ZFHX3: variants seen among roughly 807,000 people sequenced by gnomAD.
The protein encoded by ZFHX3 is zinc finger homeobox 3.
A neutral mutation model predicts 279.1 loss-of-function variants in ZFHX3; 42 were observed. The observed-to-expected ratio is 0.15, with a 90% CI of 0.12 to 0.19. The LOEUF (loss-of-function observed/expected upper bound fraction) is 0.19, where lower values mean the gene tolerates loss of function less well. ZFHX3 is among the 10% of genes least tolerant of loss of function. The probability of loss-of-function intolerance (pLI) is 1.00; values close to 1 mark genes in which losing one functional copy is unlikely to be tolerated. For missense variants in ZFHX3, 4,981 were observed against 4,754.0 expected (o/e 1.05, Z -1.40); for synonymous variants, 2,293 against 1,957.8 (o/e 1.17, Z -4.52).
At chr16:73,624,313 C>T (rs1331679273) in intron 2 of ZFHX3, among the ~76,000 whole-genome samples, 5 of 152,100 alleles carry the variant, frequency 3.3e-5, no homozygotes, top group African/African-American at 4.8e-5. Context: ...GTTTATGTTA[C>T]AAATAGGCTG....
chr16:73,365,806 T>G (rs560603970), intron 3 of ZFHX3, among the ~76,000 whole-genome samples: 1 of 152,296 alleles, frequency 6.6e-6, no homozygotes, highest in South Asian at 2.1e-4. Flanking sequence ...AATGTCTTTC[T>G]TAGGCTCAGG....
chr16:72,955,861 A>G (rs758747884), intron 2 of ZFHX3, among the ~76,000 whole-genome samples: 2 of 150,648 alleles, frequency 1.3e-5, no homozygotes, highest in African/African-American at 4.9e-5. Flanking sequence ...CACCTCCGTT[A>G]TGTTTGATTT....
chr16:72,928,241 A>G (rs1959596446), intron 3 of ZFHX3, among the ~76,000 whole-genome samples: 1 of 147,400 alleles, frequency 6.8e-6, no homozygotes. Context: ...CGAGAGAGGA[A>G]AGGGCTTAAG....
intron 4 of ZFHX3, among the ~76,000 whole-genome samples, chr16:73,288,308 C>T (rs1052229547): frequency 3.3e-5 from 5 of 152,024 alleles, no homozygotes; most frequent in Admixed American, 6.6e-5. Context: ...GCTCCCAGTC[C>T]CAGACAGAAG....
intron 1 of ZFHX3, among the ~76,000 whole-genome samples, chr16:73,784,791 AAAAAAATATATAT>A (rs552399254): frequency 1.7e-5 from 2 of 114,490 alleles, no homozygotes; most frequent in African/African-American, 3.5e-5. Flanking sequence ...CAAAATAAAA[AAAAAAATATATAT>A]ATATATATAT....
intron 2 of ZFHX3, among the ~76,000 whole-genome samples, chr16:73,663,164 CTGTT>C (rs1403851868): frequency 6.6e-6 from 1 of 152,214 alleles, no homozygotes; most frequent in African/African-American, 2.4e-5. Flanking sequence ...TTTGAGAAAA[CTGTT>C]TGCATTTCAT....
intron 3 of ZFHX3, among the ~76,000 whole-genome samples, chr16:73,455,650 T>G (rs1035272383): frequency 2.0e-5 from 3 of 152,208 alleles, no homozygotes; most frequent in African/African-American, 7.2e-5. Flanking sequence ...CTATGAGCAT[T>G]GTAAATCAGC....
intron 2 of ZFHX3, among the ~76,000 whole-genome samples, chr16:73,642,723 C>T (rs935197129): frequency 2.0e-5 from 3 of 152,154 alleles, no homozygotes; most frequent in Non-Finnish European, 4.4e-5. Flanking sequence ...TACCCTAGAA[C>T]AGTACAGCCT....
chr16:73,000,766 G>C (rs544430974), intron 1 of ZFHX3, among the ~76,000 whole-genome samples: 1 of 152,174 alleles, frequency 6.6e-6, no homozygotes, highest in African/African-American at 2.4e-5. Flanking sequence ...GCGGATGGGC[G>C]TCAGATCATG....
intron 2 of ZFHX3, among the ~76,000 whole-genome samples, chr16:73,510,370 T>C (rs1448731321): frequency 6.6e-6 from 1 of 152,134 alleles, no homozygotes; most frequent in Non-Finnish European, 1.5e-5. Context: ...CTTAATATAT[T>C]TGTGTTGAAT....
At chr16:72,855,969 G>T (rs980760391) in intron 4 of ZFHX3, among the ~76,000 whole-genome samples, 5 of 152,244 alleles carry the variant, frequency 3.3e-5, no homozygotes, top group African/African-American at 1.2e-4. Context: ...GGCCGTGTAT[G>T]AGAACACCAA....
chr16:73,870,453 G>A (rs938323499), intron 1 of ZFHX3, among the ~76,000 whole-genome samples: 1 of 152,208 alleles, frequency 6.6e-6, no homozygotes, highest in Non-Finnish European at 1.5e-5. Context: ...GAGGGCGGAA[G>A]GAGGAAAAAG....
intron 5 of ZFHX3, among the ~76,000 whole-genome samples, chr16:73,192,210 C>T (rs2144889794): frequency 6.6e-6 from 1 of 152,294 alleles, no homozygotes; most frequent in East Asian, 1.9e-4. Flanking sequence ...TCCCCAAACA[C>T]CCTATCCCAC....
intron 8 of ZFHX3, among the ~76,000 whole-genome samples, chr16:73,085,078 C>G (rs1305270934): frequency 6.6e-6 from 1 of 152,020 alleles, no homozygotes; most frequent in Non-Finnish European, 1.5e-5. Flanking sequence ...CCCCAAATAG[C>G]AAAGCAAACA....
chr16:72,947,644 C>G (rs1182943340), intron 3 of ZFHX3, among the ~76,000 whole-genome samples: 1 of 151,800 alleles, frequency 6.6e-6, no homozygotes, highest in Non-Finnish European at 1.5e-5. Flanking sequence ...CTAGGTGCCG[C>G]GGAGAGCAGC....
rs1476718474 is a variant in ZFHX3, at chr16:72,797,058, T to C, written c.5624A>G (p.Glu1875Gly). Reference sequence around the variant, plus strand: ...TTTGATGACCAATTTGTTCTTCTTTTCGGGGTGCTGGCTTGGCTGAAGGAG... The same window carrying C: ...TTTGATGACCAATTTGTTCTTCTTTCCGGGGTGCTGGCTTGGCTGAAGGAG... ...SALLQPSQHP[E>G]KKNKLVIKEK... is the part of the protein sequence containing the mutation. Residue 1875 changes from glutamate (E) to glycine (G), a missense_variant, in exon 9 of 10, where the codon GAA becomes GGA. By Grantham distance (98) the Glu-to-Gly change is moderately conservative. This residue lies in a region of ZFHX3 where 1,751 missense variants were observed against 1,770.0 expected (regional missense o/e 0.99). Transcript: ENST00000268489. 6.2e-7 allele frequency: 1 copy of C among 1,614,002 alleles called. No homozygotes were observed. Among genetic ancestry groups the C allele is most frequent in the African/African-American group, 1.3e-5 (1 of 74,900 alleles).
At chr16:73,079,836 C>T (rs539194304) in intron 8 of ZFHX3, among the ~76,000 whole-genome samples, 1 of 152,332 alleles carries the variant, frequency 6.6e-6, no homozygotes, top group East Asian at 1.9e-4. Context: ...GCACTGTGGA[C>T]AGCTGGCTCT....
intron 1 of ZFHX3, among the ~76,000 whole-genome samples, chr16:73,711,448 A>G (rs1326994689): frequency 1.3e-5 from 2 of 152,218 alleles, no homozygotes; most frequent in Non-Finnish European, 2.9e-5. Flanking sequence ...AGGCAGAGAG[A>G]GACTTTATAA....
chr16:73,866,675 C>T (rs898701072), intron 1 of ZFHX3, among the ~76,000 whole-genome samples: 1 of 152,136 alleles, frequency 6.6e-6, no homozygotes, highest in African/African-American at 2.4e-5. Flanking sequence ...TTAATTCTTC[C>T]TTTAGTAATT....
Sources: gnomAD v4.1 joint callset for allele counts (sites outside exome capture counted in the v4.1 genomes callset) on GRCh38, gnomAD v4.1.1 for gene constraint, gnomAD v4.1.1 regional missense constraint, MANE v1.5 for transcripts, NCBI Gene and HGNC (gene_info 2026-07-23, HGNC 2026-07-21) for gene names.